Variants in DPP6 observed in about 807,000 individuals in gnomAD.
The protein encoded by DPP6 is dipeptidyl peptidase like 6.
A neutral mutation model predicts 122.6 loss-of-function variants in DPP6; 69 were observed. The ratio of observed to expected loss-of-function variants is 0.56; its 90% CI spans 0.46 to 0.69. DPP6 has a LOEUF of 0.69. DPP6 is among the 30% of genes least tolerant of loss of function. The pLI is 0.00. For missense variants in DPP6, 928 were observed against 1,116.9 expected (o/e 0.83, Z 2.41); for synonymous variants, 418 against 433.1 (o/e 0.97, Z 0.43).
intron 1 of DPP6, among the ~76,000 whole-genome samples, chr7:154,318,586 T>C (rs1228405893): frequency 2.0e-5 from 3 of 152,218 alleles, no homozygotes; most frequent in Admixed American, 6.5e-5. Context: ...CTGATACTTG[T>C]TGAGCAAGTT....
Position 154,597,567 on chromosome 7 carries a change from C to T in DPP6, c.627+30651C>T, listed in dbSNP as rs537242930. On this transcript the variant is annotated intron_variant, in intron 5 of 25. Coordinates refer to ENST00000377770, the MANE Select transcript of DPP6 (RefSeq NM_130797.4). ...GGCAGAGGTTGCAGTGAGCCAAGATCGTGCCACTGCACTCCAGCCCGGGAG... is the reference window on the plus strand; with the variant it reads ...GGCAGAGGTTGCAGTGAGCCAAGATTGTGCCACTGCACTCCAGCCCGGGAG... Among the ~76,000 whole-genome samples, 131 of 151,050 alleles carry T rather than the reference C, an allele frequency of 8.7e-4. No homozygotes were observed. In the South Asian group the frequency reaches 0.01, roughly 12 times the overall value.
intron 1 of DPP6, among the ~76,000 whole-genome samples, chr7:154,151,266 C>T (rs776447458): frequency 6.6e-6 from 1 of 152,186 alleles, no homozygotes; most frequent in Non-Finnish European, 1.5e-5. Flanking sequence ...CCCATCCATC[C>T]AGGTCACCTC....
intron 3 of DPP6, 48 bp from the exon 4 acceptor site, chr7:154,540,484 G>A (rs545232423): frequency 2.9e-5 from 34 of 1,169,714 alleles, no homozygotes; most frequent in Admixed American, 2.1e-4. Flanking sequence ...AAGTTGAGGA[G>A]AGTTCCTTGA....
At chr7:154,348,848 C>T (rs2151075313) in intron 1 of DPP6, among the ~76,000 whole-genome samples, 1 of 152,336 alleles carries the variant, frequency 6.6e-6, no homozygotes, top group Non-Finnish European at 1.5e-5. Flanking sequence ...GTAGCCTGGA[C>T]AGTCATTTTC....
chr7:154,225,724 A>G (rs1563337970), intron 1 of DPP6, among the ~76,000 whole-genome samples: 2 of 152,138 alleles, frequency 1.3e-5, no homozygotes, highest in Non-Finnish European at 2.9e-5. Flanking sequence ...ATATTTAAAG[A>G]ACAGAGACAT....
chr7:154,521,315 T>C (rs1826958749), intron 3 of DPP6, among the ~76,000 whole-genome samples: 1 of 152,174 alleles, frequency 6.6e-6, no homozygotes, highest in South Asian at 2.1e-4. Context: ...TTATGTTAGG[T>C]TCAAGTGAAA....
At chr7:154,041,231 C>T (rs1799746560) in intron 1 of DPP6, among the ~76,000 whole-genome samples, 1 of 152,078 alleles carries the variant, frequency 6.6e-6, no homozygotes, top group South Asian at 2.1e-4. Flanking sequence ...CATTTGCCTC[C>T]AGATTTTCTA....
chr7:154,328,329 T>A lies in DPP6; in HGVS notation c.244-117885T>A, dbSNP rs559309516. Among the ~76,000 whole-genome samples the A allele has an allele frequency of 3.5e-4, 53 of 152,240 alleles. 1 individual carries two copies. Among genetic ancestry groups the A allele is most frequent in the South Asian group, 1.9e-3 (9 of 4,828 alleles). ...CCAAGGCTCTTGAAGAACTGAAATC[T>A]GGAATCGACATGAAGCTACATCCCG... On this transcript the variant is annotated intron_variant, in intron 1 of 25. Coordinates refer to ENST00000377770, the MANE Select transcript of DPP6 (RefSeq NM_130797.4).
chr7:154,130,996 C>T (rs554816412), intron 1 of DPP6, among the ~76,000 whole-genome samples: 5 of 152,046 alleles, frequency 3.3e-5, no homozygotes, highest in Admixed American at 2.6e-4. Flanking sequence ...CCAGGCAGTT[C>T]GTCAGTGGCC....
At position 154,465,914 on chromosome 7, in the gene DPP6, T is replaced by A. The variant is rs372774987; in HGVS notation, c.359-9025T>A. 2.1e-4 allele frequency among the ~76,000 whole-genome samples: 32 copies of A among 152,308 alleles called. No individual in the cohort carries two copies. In the South Asian group the frequency reaches 6.2e-3, roughly 30 times the overall value. On this transcript the variant is annotated intron_variant, in intron 2 of 25. Transcript: ENST00000377770. Reference sequence around the variant, plus strand: ...TATAAGGACACATGCACTTGTATGTTTATTGCAGGACTATTCACAATAGCA... The same window carrying A: ...TATAAGGACACATGCACTTGTATGTATATTGCAGGACTATTCACAATAGCA...
chr7:154,063,700 G>GCA (rs1384901826), intron 1 of DPP6, among the ~76,000 whole-genome samples: 3 of 146,644 alleles, frequency 2.0e-5, no homozygotes, highest in Non-Finnish European at 4.5e-5. Context: ...CACCTCCCGT[G>GCA]AGGTGGGGAC....
At chr7:154,440,106 C>T (rs568860908) in intron 1 of DPP6, among the ~76,000 whole-genome samples, 46 of 152,240 alleles carry the variant, frequency 3.0e-4, no homozygotes, top group African/African-American at 1.1e-3. Context: ...ATTGCCAGTC[C>T]TCGAAAGTTG....
chr7:153,888,977 T>G (rs537118350), intron 1 of DPP6, among the ~76,000 whole-genome samples: 1 of 152,200 alleles, frequency 6.6e-6, no homozygotes, highest in East Asian at 1.9e-4. Context: ...AATTCTACAT[T>G]AATTGAACAA....
At chr7:154,169,877 C>T (rs1215499687) in intron 1 of DPP6, among the ~76,000 whole-genome samples, 3 of 152,126 alleles carry the variant, frequency 2.0e-5, no homozygotes, top group Non-Finnish European at 2.9e-5. Context: ...ACTATAGGCA[C>T]GCGCTATCAT....
At chr7:154,389,665 A>G (rs1814441441) in intron 1 of DPP6, among the ~76,000 whole-genome samples, 1 of 152,224 alleles carries the variant, frequency 6.6e-6, no homozygotes, top group East Asian at 1.9e-4. Flanking sequence ...TTTATGAGCT[A>G]GATAATGTCT....
At chr7:154,827,725 CGGGGGGGGGGTGGTGTCGG>C (rs1800280297) in intron 16 of DPP6, among the ~76,000 whole-genome samples, 8 of 41,712 alleles carry the variant, frequency 1.9e-4, no homozygotes, top group Non-Finnish European at 2.6e-4. Flanking sequence ...GGACGGCTGG[CGGGGGGGGGGTGGTGTCGG>C]AGCCCAAGTG....
At chr7:153,803,110 C>T in the DPP6 span, among the ~76,000 whole-genome samples, 14 of 151,762 alleles carry the variant, frequency 9.2e-5, no homozygotes, top group East Asian at 1.9e-4. Context: ...CCAGCGTGCC[C>T]GCATCTCTCC....
intron 2 of DPP6, among the ~76,000 whole-genome samples, chr7:154,473,129 T>C (rs1349107676): frequency 6.6e-6 from 1 of 152,234 alleles, no homozygotes; most frequent in Non-Finnish European, 1.5e-5. Flanking sequence ...GATTATTATT[T>C]TCTGACCACG....
the DPP6 span, among the ~76,000 whole-genome samples, chr7:153,774,058 C>G: frequency 6.6e-6 from 1 of 151,816 alleles, no homozygotes; most frequent in Non-Finnish European, 1.5e-5. Context: ...GCATAACTAC[C>G]AAATATAACT....
Sources: gnomAD v4.1 joint callset for allele counts (sites outside exome capture counted in the v4.1 genomes callset) on GRCh38, gnomAD v4.1.1 for gene constraint, MANE v1.5 for transcripts, NCBI Gene and HGNC (gene_info 2026-07-23, HGNC 2026-07-21) for gene names.